The following EFCAB11 variants were observed in gnomAD, a reference collection of about 807,000 sequenced individuals.
The protein encoded by EFCAB11 is EF-hand calcium binding domain 11.
A neutral mutation model predicts 23.0 loss-of-function variants in EFCAB11; 14 were observed. That is an observed-to-expected ratio of 0.61 (90% CI 0.40 to 0.95). The LOEUF is 0.95. EFCAB11 is among the 40% of genes least tolerant of loss of function. EFCAB11 has a pLI of 0.00. For missense variants in EFCAB11, 198 were observed against 195.8 expected (o/e 1.01, Z -0.07); for synonymous variants, 65 against 66.6 (o/e 0.98, Z 0.11).
At chr14:89,919,429 A>G (rs899276477) in intron 5 of EFCAB11, among the ~76,000 whole-genome samples, 1 of 152,162 alleles carries the variant, frequency 6.6e-6, no homozygotes, top group African/African-American at 2.4e-5. Context: ...TAAGGAGGAA[A>G]AAGTGGTGTC....
At chr14:89,865,311 G>A (rs1167039459) in intron 5 of EFCAB11, among the ~76,000 whole-genome samples, 5 of 152,068 alleles carry the variant, frequency 3.3e-5, no homozygotes, top group Admixed American at 3.3e-4. Flanking sequence ...ATTATAACCT[G>A]GGAAAAGGCA....
At position 89,954,607 on chromosome 14, in the gene EFCAB11, C is replaced by G. The variant is rs1229690838; in HGVS notation, c.54G>C (p.Ser18=). ...CTACTTCCACCCACTTCCTGTGTTC[C>G]GAGGGACTGGCTTCCCACGTCCGCG... is the stretch of plus-strand genomic sequence containing the variant. The part of the protein sequence containing the change: ...ARSRTWEASP[S]EHRKWVEVFK... The change falls in exon 1 of 6, where the codon TCG becomes TCC. Residue 18 remains serine, a synonymous_variant. Coordinates refer to ENST00000316738, the MANE Select transcript of EFCAB11 (RefSeq NM_145231.4). 6.2e-6 allele frequency: 10 copies of G among 1,613,792 alleles called. No individual in the cohort carries two copies. The highest frequency in any genetic ancestry group is 1.3e-5 in the African/African-American group (1 of 75,026).
chr14:89,826,565 G>C (rs980760756), intron 5 of EFCAB11, among the ~76,000 whole-genome samples: 5 of 152,118 alleles, frequency 3.3e-5, no homozygotes, highest in Non-Finnish European at 7.4e-5. Context: ...AAGAAAGGGA[G>C]AGCAGGAAGC....
At chr14:89,804,027 C>T (rs74320595) in intron 5 of EFCAB11, among the ~76,000 whole-genome samples, 4,988 of 152,318 alleles carry the variant, frequency 0.033, 221 homozygotes, top group African/African-American at 0.1. Flanking sequence ...GCATTCTCTT[C>T]GGTGTGTACT....
intron 5 of EFCAB11, chr14:89,836,769 A>T (rs8019848): frequency 0.73 from 305,529 of 418,316 alleles, 115,556 homozygotes; most frequent in Non-Finnish European, 0.83. Context: ...CTGTAATCCC[A>T]GCACTTTGGG....
At position 89,954,621 on chromosome 14, in the gene EFCAB11, C is replaced by G. The variant is rs767695354; in HGVS notation, c.40G>C (p.Glu14Gln). 1 of 1,613,400 alleles carries G rather than the reference C, an allele frequency of 6.2e-7. No individual in the cohort carries two copies. The highest frequency in any genetic ancestry group is 1.1e-5 in the South Asian group (1 of 91,054). Residue 14 changes from glutamate to glutamine, a missense_variant, in exon 1 of 6, where the codon GAA becomes CAA. By Grantham distance (29) the Glu-to-Gln change is conservative. Coordinates refer to ENST00000316738, the MANE Select transcript of EFCAB11 (RefSeq NM_145231.4). Reference sequence around the variant, plus strand: ...TTCCTGTGTTCCGAGGGACTGGCTTCCCACGTCCGCGACCTGGCTCTGGCC... The same window carrying G: ...TTCCTGTGTTCCGAGGGACTGGCTTGCCACGTCCGCGACCTGGCTCTGGCC... ...SEARARSRTW[E>Q]ASPSEHRKWV...
chr14:89,795,699 G>T lies in EFCAB11; in HGVS notation c.*1544C>A, dbSNP rs1209184227. 6.6e-6 allele frequency: 1 copy of T among 152,018 alleles called. No homozygotes were observed. Among genetic ancestry groups the T allele is most frequent in the Non-Finnish European group, 1.5e-5 (1 of 67,984 alleles). 9.4% of individuals were successfully genotyped at this position (152,018 alleles called of 1,614,324 possible). On this transcript the variant is annotated 3_prime_UTR_variant, in exon 6 of 6. Transcript: ENST00000316738. Reference sequence around the variant, plus strand: ...CCCGCAAACGTTTATTTTTATTAAGGTTATCTGCTAATAATTTGTATGATA... The same window carrying T: ...CCCGCAAACGTTTATTTTTATTAAGTTTATCTGCTAATAATTTGTATGATA...
intron 5 of EFCAB11, among the ~76,000 whole-genome samples, chr14:89,810,349 TG>T (rs1886112489): frequency 6.6e-6 from 1 of 152,250 alleles, no homozygotes; most frequent in African/African-American, 2.4e-5. Flanking sequence ...GCTATTTAAA[TG>T]TAAAACAGAT....
In EFCAB11 at chr14:89,797,445, T is replaced by C. The variant is rs541590052; in HGVS notation, c.411-121A>G. The C allele has an allele frequency of 1.7e-3, 1,373 of 787,278 alleles. 3 individuals carry two copies. The highest frequency in any genetic ancestry group is 2.3e-3 in the Non-Finnish European group (1,168 of 507,584). 48.8% of individuals were successfully genotyped at this position (787,278 alleles called of 1,614,324 possible). A position where few individuals can be genotyped will look rare whatever the true frequency, so the allele number is the denominator to read the frequency against. ...TGAGAGAGGAACCTATTTTATCTAC[T>C]TGAAGGCTGAGATTGATGCCTGTTT... On this transcript the variant is annotated intron_variant, in intron 5 of 5. Coordinates refer to ENST00000316738, the MANE Select transcript of EFCAB11 (RefSeq NM_145231.4).
At position 89,948,574 on chromosome 14, in the gene EFCAB11, T is replaced by C. The variant is rs1156387332; in HGVS notation, c.217+1523A>G. ...CAGCATTGTTCACAATAGGCAAGAT[T>C]TGGAAGAAGACTCAGTGTCCATCAA... On this transcript the variant is annotated intron_variant, in intron 3 of 5. Transcript: ENST00000316738. 2.0e-5 allele frequency among the ~76,000 whole-genome samples: 3 copies of C among 152,358 alleles called. No individual in the cohort carries two copies. In the East Asian group the frequency reaches 5.8e-4, roughly 29 times the overall value.
chr14:89,851,941 T>C (rs535106443), intron 5 of EFCAB11, among the ~76,000 whole-genome samples: 10 of 151,694 alleles, frequency 6.6e-5, no homozygotes, highest in Non-Finnish European at 1.3e-4. Flanking sequence ...AAGTGGAGAG[T>C]TTGCCAAAGG....
intron 5 of EFCAB11, chr14:89,892,203 T>C (rs1888993615): frequency 6.3e-7 from 1 of 1,595,800 alleles, no homozygotes; most frequent in Non-Finnish European, 8.5e-7. Context: ...ACCCGCTGTG[T>C]CTCAGCCCAG....
chr14:89,881,466 T>TATATATATATATATATATATA (rs10524743), intron 5 of EFCAB11, among the ~76,000 whole-genome samples: 40 of 122,154 alleles, frequency 3.3e-4, no homozygotes, highest in East Asian at 4.8e-4. Context: ...TATATATATA[T>TATATATATATATATATATATA]TCTTTTTTTT....
intron 5 of EFCAB11, among the ~76,000 whole-genome samples, chr14:89,818,447 GAGA>G (rs938566618): frequency 2.0e-5 from 3 of 151,942 alleles, no homozygotes; most frequent in Non-Finnish European, 4.4e-5. Context: ...AGGACGTAGG[GAGA>G]AGAAGGGAAG....
chr14:89,911,790 A>G (rs533477292), intron 5 of EFCAB11, among the ~76,000 whole-genome samples: 3 of 152,326 alleles, frequency 2.0e-5, no homozygotes, highest in Admixed American at 2.0e-4. Context: ...ACAGTTCTCC[A>G]TTCAGTTGTG....
chr14:89,928,927 TTACA>T (rs1890286882), intron 5 of EFCAB11, among the ~76,000 whole-genome samples: 1 of 147,680 alleles, frequency 6.8e-6, no homozygotes, highest in Non-Finnish European at 1.5e-5. Context: ...TAATTATATA[TTACA>T]TATATAGTTC....
intron 5 of EFCAB11, among the ~76,000 whole-genome samples, chr14:89,862,151 C>A (rs1278470743): frequency 6.6e-6 from 1 of 152,132 alleles, no homozygotes; most frequent in Non-Finnish European, 1.5e-5. Flanking sequence ...AGGGTCTCCA[C>A]AAATGTTTGC....
At chr14:89,910,065 A>T (rs1889624950) in intron 5 of EFCAB11, among the ~76,000 whole-genome samples, 1 of 152,220 alleles carries the variant, frequency 6.6e-6, no homozygotes, top group Non-Finnish European at 1.5e-5. Context: ...CTAAGCTCCT[A>T]AAGGGCAGAG....
intron 3 of EFCAB11, among the ~76,000 whole-genome samples, chr14:89,941,702 C>T (rs1404347048): frequency 3.3e-5 from 5 of 151,298 alleles, no homozygotes; most frequent in South Asian, 2.1e-4. Context: ...AGGTGCATAC[C>T]GCCATGAATG....
Sources: gnomAD v4.1 joint callset for allele counts (sites outside exome capture counted in the v4.1 genomes callset) on GRCh38, gnomAD v4.1.1 for gene constraint, MANE v1.5 for transcripts, NCBI Gene and HGNC (gene_info 2026-07-23, HGNC 2026-07-21) for gene names.